GREB1: variants seen among roughly 807,000 people sequenced by gnomAD.
GREB1 encodes the protein growth regulating estrogen receptor binding 1, also known as protein GREB1.
Under a neutral mutation model 200.7 loss-of-function variants are expected in GREB1, and 106 were observed. The ratio of observed to expected loss-of-function variants is 0.53; its 90% confidence interval spans 0.45 to 0.62. The LOEUF (loss-of-function observed/expected upper bound fraction) is 0.62, where lower values mean the gene tolerates loss of function less well. Among genes scored for constraint, GREB1 ranks in the 20% least tolerant of loss-of-function variants. The pLI is 0.00. For synonymous variants in GREB1, 1,132 were observed against 1,092.4 expected, an observed-to-expected ratio of 1.04 and a Z score of -0.72; for missense variants, 2,243 against 2,556.8, an observed-to-expected ratio of 0.88 and a Z score of 2.65.
chr2:11,568,190 C>T (rs983909159), intron 4 of GREB1, among the ~76,000 whole-genome samples: 2 of 152,190 alleles, frequency 1.3e-5, no homozygotes, highest in South Asian at 2.1e-4. Context: ...TCCAGTTTTG[C>T]GCTTGATACA....
At chr2:11,579,165 C>A (rs1679203864) in intron 6 of GREB1, among the ~76,000 whole-genome samples, 1 of 152,230 alleles carries the variant, frequency 6.6e-6, no homozygotes, top group Admixed American at 6.5e-5. Flanking sequence ...CTTGTACCCA[C>A]CTGGCCCATC....
chr2:11,590,574 A>G (rs1361376542), intron 10 of GREB1, among the ~76,000 whole-genome samples: 1 of 152,040 alleles, frequency 6.6e-6, no homozygotes, highest in Non-Finnish European at 1.5e-5. Context: ...TCATCTCCTC[A>G]GCAAGACCTT....
At chr2:11,623,605 G>A (rs975367555) in intron 23 of GREB1, among the ~76,000 whole-genome samples, 1 of 152,128 alleles carries the variant, frequency 6.6e-6, no homozygotes, top group Non-Finnish European at 1.5e-5. Context: ...AGTTTTAAAA[G>A]TAGGGCCAGG....
rs1229893483 is a variant in GREB1, at chr2:11,592,944, C to T, written c.1514C>T (p.Ala505Val). The T allele has an allele frequency of 6.3e-7, 1 of 1,585,572 alleles. No individual in the cohort carries two copies. The highest frequency in any genetic ancestry group is 1.8e-5 in the Admixed American group (1 of 56,372). Residue 505 changes from alanine (A) to valine (V), a missense_variant, in exon 11 of 33, where the codon GCC (alanine) becomes GTC (valine). By Grantham distance (64) the Ala-to-Val change is moderately conservative. Around this residue, in one of 3 missense-constraint regions of GREB1, gnomAD observed 1,178 missense variants for 1,387.4 expected, o/e 0.85. Coordinates refer to ENST00000381486, the MANE Select transcript of GREB1 (RefSeq NM_014668.4). ...PVTSAQLPWL[A>V]SLAASSCNDS... ...ACCTCCGCGCAGCTGCCCTGGCTGG[C>T]CAGCCTGGCCGCCAGCTCCTGCAAC...
intron 30 of GREB1, among the ~76,000 whole-genome samples, chr2:11,636,601 G>A (rs1422569721): frequency 3.3e-5 from 5 of 152,224 alleles, no homozygotes; most frequent in Non-Finnish European, 5.9e-5. Context: ...AAGGACCATC[G>A]GGAGAAGCAC....
intron 20 of GREB1, among the ~76,000 whole-genome samples, chr2:11,615,631 C>T (rs927437664): frequency 5.9e-5 from 9 of 152,302 alleles, no homozygotes; most frequent in African/African-American, 1.2e-4. Flanking sequence ...TAGAGTTCCT[C>T]GTTCCACTCA....
chr2:11,583,762 G>A (rs1245940533), intron 7 of GREB1, among the ~76,000 whole-genome samples: 1 of 152,156 alleles, frequency 6.6e-6, no homozygotes, highest in Non-Finnish European at 1.5e-5. Context: ...GGGAGACTGA[G>A]GCAGGAGAAT....
intron 2 of GREB1, chr2:11,561,613 C>G (rs1204028829): frequency 6.6e-6 from 1 of 152,188 alleles, no homozygotes; most frequent in East Asian, 1.9e-4. Flanking sequence ...GATCCACCTG[C>G]CTCGGCGTCC....
At chr2:11,498,291 G>A (rs1672942716) in intron 1 of GREB1, among the ~76,000 whole-genome samples, 2 of 152,066 alleles carry the variant, frequency 1.3e-5, no homozygotes, top group Non-Finnish European at 2.9e-5. Flanking sequence ...TTTAGGTTTT[G>A]TAAAAGGTTT....
At chr2:11,596,437 G>A (rs1325018020) in intron 13 of GREB1, among the ~76,000 whole-genome samples, 198 bp downstream of exon 13, 1 of 109,918 alleles carries the variant, frequency 9.1e-6, no homozygotes, top group African/African-American at 3.9e-5. Flanking sequence ...GGACGCAGGT[G>A]TGCACAGTGA....
rs1233477031 is a variant in GREB1, at chr2:11,588,801, C to A, written c.1215C>A (p.Pro405=). The change falls in exon 10 of 33, where the codon CCC becomes CCA. Residue 405 remains proline (P), a synonymous_variant. Transcript: ENST00000381486. ...CGNLNDVVVS[P]LLYTCYQNSQ... The stretch of plus-strand genomic sequence containing the variant: ...ACCTGAATGACGTCGTGGTCAGCCC[C>A]CTCTTGTACACGTGCTACCAGAATT... 6.2e-7 allele frequency: 1 copy of A among 1,614,228 alleles called. No homozygotes were observed. The highest frequency in any genetic ancestry group is 8.5e-7 in the Non-Finnish European group (1 of 1,180,022).
chr2:11,618,630 C>G lies in GREB1; in HGVS notation c.3755C>G (p.Ala1252Gly). 1 of 1,613,448 alleles carries G rather than the reference C, an allele frequency of 6.2e-7. No individual in the cohort carries two copies. Among genetic ancestry groups the G allele is most frequent in the Non-Finnish European group, 8.5e-7 (1 of 1,179,954 alleles). ...GCCTCCCAGTGCTCCTTGACCAAGG[C>G]CTGCCGCCAGCCACCCATTGTCTTC... The part of the protein sequence containing the change: ...LQASQCSLTK[A>G]CRQPPIVFLP... Residue 1252 changes from alanine to glycine, a missense_variant, in exon 22 of 33, where the codon GCC (alanine) becomes GGC (glycine). Ala to Gly is a moderately conservative substitution (Grantham distance 60). Around this residue, in one of 3 missense-constraint regions of GREB1, gnomAD observed 587 missense variants for 553.1 expected, o/e 1.06. Coordinates refer to ENST00000381486, the MANE Select transcript of GREB1 (RefSeq NM_014668.4).
Position 11,640,890 on chromosome 2 carries a change from C to A in GREB1, c.*436C>A. On this transcript the variant is annotated 3_prime_UTR_variant, in exon 33 of 33. Transcript: ENST00000381486. This position sits in a 1 kb window ranked among gnomAD's most constrained non-coding sequence, Gnocchi z 4.6. ...TGTAACCTCCTACAAAGCAATATTC[C>A]AAAGGAACATTTTAACTGTAAAGGC... 1 of 159,720 alleles carries A rather than the reference C, an allele frequency of 6.3e-6. No homozygotes were observed. The highest frequency in any genetic ancestry group is 1.4e-5 in the Non-Finnish European group (1 of 73,582). 9.9% of individuals were successfully genotyped at this position (159,720 alleles called of 1,614,324 possible).
chr2:11,569,626 C>A (rs1052195568), intron 4 of GREB1, among the ~76,000 whole-genome samples: 1 of 152,160 alleles, frequency 6.6e-6, no homozygotes, highest in Non-Finnish European at 1.5e-5. Context: ...AGAAACTGCA[C>A]GAAATAAGTT....
intron 1 of GREB1, among the ~76,000 whole-genome samples, chr2:11,497,722 A>G (rs775207370): frequency 6.6e-5 from 10 of 152,126 alleles, no homozygotes; most frequent in Non-Finnish European, 1.2e-4. Context: ...CCTATTGAGT[A>G]ATGACACTGA....
chr2:11,496,914 A>G (rs146506141), intron 1 of GREB1, among the ~76,000 whole-genome samples: 2,985 of 152,144 alleles, frequency 0.02, 70 homozygotes, highest in African/African-American at 0.056. Flanking sequence ...GAAATTCAGT[A>G]GCGTGATTAT....
In GREB1 at chr2:11,632,871, G is replaced by A; in HGVS notation, c.4817-18G>A. ...GGGTGCAGGTCAGTCCTGAGTCCAG[G>A]TGCTTTGCCCACTGCAGGTGCTGCT... On this transcript the variant is annotated intron_variant, in intron 27 of 32. Transcript: ENST00000381486. 6.2e-7 allele frequency: 1 copy of A among 1,611,254 alleles called. No homozygotes were observed. The highest frequency in any genetic ancestry group is 8.5e-7 in the Non-Finnish European group (1 of 1,178,582).
rs1033807091 is a variant in GREB1 at position 11,567,599 on chromosome 2, G to T, written c.454+943G>T. Among the ~76,000 whole-genome samples the T allele has an allele frequency of 4.6e-5, 7 of 152,280 alleles. No homozygotes were observed. In the East Asian group the frequency reaches 5.8e-4, roughly 13 times the overall value. On this transcript the variant is annotated intron_variant, in intron 4 of 32. Coordinates refer to ENST00000381486, the MANE Select transcript of GREB1 (RefSeq NM_014668.4). ...ACCATGTTGTGGTCAAGGTCAAGGT[G>T]GGGGAGCCACCGTTTTCCCTTCCAG...
rs201474551 is a variant in GREB1 at position 11,610,744 on chromosome 2, C to T, written c.2723C>T (p.Ala908Val). Residue 908 changes from alanine (A) to valine (V), a missense_variant, in exon 18 of 33, where the codon GCG becomes GTG. This residue lies in a region of GREB1 where 1,178 missense variants were observed against 1,387.4 expected (regional missense o/e 0.85). Transcript: ENST00000381486. ...IRTFVLVQHY[A>V]AALMAVSGLP... The stretch of plus-strand genomic sequence containing the variant: ...ACCTTTGTTCTCGTGCAGCACTACG[C>T]GGCCGCCCTGATGGCCGTAAGCGGC... 110 of 1,613,466 alleles carry T rather than the reference C, an allele frequency of 6.8e-5. No homozygotes were observed. Among genetic ancestry groups the T allele is most frequent in the Non-Finnish European group, 8.6e-5 (101 of 1,179,982 alleles).
Sources: allele counts gnomAD v4.1 joint callset (sites outside exome capture counted in the v4.1 genomes callset), GRCh38; gene constraint gnomAD v4.1.1; regional missense constraint gnomAD v4.1.1; non-coding constraint Gnocchi (gnomAD v3.1); transcripts MANE v1.5; gene names NCBI Gene and HGNC (gene_info 2026-07-23, HGNC 2026-07-21).